The following STPG4 variants were observed in gnomAD, a reference collection of about 807,000 sequenced individuals.
The protein encoded by STPG4 is protein STPG4.
In STPG4, 41 loss-of-function variants were observed where a neutral mutation model predicts 31.5. The ratio of observed to expected loss-of-function variants is 1.30; its 90% CI spans 1.01 to 1.69. The LOEUF is 1.69. Ranked by LOEUF, STPG4 falls within the 40% of genes most tolerant of loss-of-function variation. The pLI is 0.00. For missense variants in STPG4, 375 were observed against 293.4 expected (o/e 1.28, Z -2.03); for synonymous variants, 141 against 103.0 (o/e 1.37, Z -2.24).
chr2:47,121,537 C>T (rs1377720362), intron 5 of STPG4, among the ~76,000 whole-genome samples: 1 of 152,170 alleles, frequency 6.6e-6, no homozygotes, highest in Non-Finnish European at 1.5e-5. Flanking sequence ...AGGTCCTTAT[C>T]CCACCCATCC....
chr2:47,112,989 C>CAAAAAAAAAAAAAA (rs70940656), intron 5 of STPG4, among the ~76,000 whole-genome samples: 1 of 93,672 alleles, frequency 1.1e-5, no homozygotes, highest in African/African-American at 4.0e-5. Context: ...AAGACTATCT[C>CAAAAAAAAAAAAAA]AAAAAAAAAA....
At chr2:47,105,627 T>A (rs1393792641) in intron 5 of STPG4, among the ~76,000 whole-genome samples, 3 of 152,012 alleles carry the variant, frequency 2.0e-5, no homozygotes, top group Non-Finnish European at 4.4e-5. Context: ...ACCTATATAC[T>A]GATGGAAGTT....
intron 5 of STPG4, among the ~76,000 whole-genome samples, chr2:47,109,788 A>C (rs1380325881): frequency 2.6e-5 from 4 of 152,118 alleles, no homozygotes; most frequent in African/African-American, 9.7e-5. Context: ...TCAAACTATC[A>C]GCTTAGTTTT....
intron 5 of STPG4, among the ~76,000 whole-genome samples, chr2:47,098,694 C>T (rs17036257): frequency 0.024 from 3,686 of 150,656 alleles, 57 homozygotes; most frequent in African/African-American, 0.041. Flanking sequence ...ACTGAAATTA[C>T]TACATGGGGT....
chr2:47,151,518 G>A lies in STPG4; in HGVS notation c.142-3C>T. On this transcript the variant is annotated splice_polypyrimidine_tract_variant and splice_region_variant and intron_variant, in intron 2 of 6. Transcript: ENST00000445927. ...TAAGTGCCAGGTATAGGAGTATCCT[G>A]TGGAAAATTGACATCAGTTTTAAGA... 2 of 1,611,796 alleles carry A rather than the reference G, an allele frequency of 1.2e-6. No homozygotes were observed. The highest frequency in any genetic ancestry group is 8.5e-7 in the Non-Finnish European group (1 of 1,178,878).
intron 5 of STPG4, among the ~76,000 whole-genome samples, chr2:47,110,366 G>C (rs1239069798): frequency 6.6e-6 from 1 of 152,186 alleles, no homozygotes; most frequent in Non-Finnish European, 1.5e-5. Flanking sequence ...GGCCAAGGTG[G>C]GCAGATCACT....
chr2:47,117,926 A>AT (rs1444587366), intron 5 of STPG4, among the ~76,000 whole-genome samples: 6 of 87,242 alleles, frequency 6.9e-5, no homozygotes, highest in Non-Finnish European at 1.4e-4. Flanking sequence ...ATATATATAT[A>AT]TATATTTTTT....
chr2:47,102,652 C>T (rs1214796990), intron 5 of STPG4, among the ~76,000 whole-genome samples: 2 of 151,850 alleles, frequency 1.3e-5, no homozygotes. Flanking sequence ...TATAGCTCCC[C>T]TTCCTATTAA....
chr2:47,111,375 A>C lies in STPG4; in HGVS notation c.519+18566T>G, dbSNP rs79569463. Among the ~76,000 whole-genome samples the C allele has an allele frequency of 5.8e-3, 879 of 152,376 alleles. 4 individuals carry two copies. Among genetic ancestry groups the C allele is most frequent in the Non-Finnish European group, 9.0e-3 (614 of 68,036 alleles). On this transcript the variant is annotated intron_variant, in intron 5 of 6. Transcript: ENST00000445927. ...AATGCCCACATTTTGAAACACATTC[A>C]GGAGGGAATAAAATCATGCAGTTTT... is the stretch of plus-strand genomic sequence containing the variant.
At chr2:47,121,715 C>T (rs907572533) in intron 5 of STPG4, among the ~76,000 whole-genome samples, 2 of 152,130 alleles carry the variant, frequency 1.3e-5, no homozygotes, top group African/African-American at 4.8e-5. Flanking sequence ...GTCAGCAGGG[C>T]CATGCTCCCT....
intron 5 of STPG4, 32 bp downstream of exon 5, chr2:47,129,909 C>T (rs868098487): frequency 6.2e-7 from 1 of 1,602,588 alleles, no homozygotes; most frequent in Middle Eastern, 1.7e-4. Context: ...ACATCAAATT[C>T]ATCATGAGTT....
chr2:47,113,035 A>C (rs929303064), intron 5 of STPG4, among the ~76,000 whole-genome samples: 1 of 151,988 alleles, frequency 6.6e-6, no homozygotes, highest in Non-Finnish European at 1.5e-5. Flanking sequence ...AATTAGAAGA[A>C]ATTAAAGTGA....
intron 5 of STPG4, among the ~76,000 whole-genome samples, chr2:47,126,689 G>A (rs1200415985): frequency 6.6e-6 from 1 of 152,144 alleles, no homozygotes; most frequent in Non-Finnish European, 1.5e-5. Context: ...ACTCCTTTTA[G>A]CGTTTCTTGT....
At chr2:47,125,655 C>T (rs934614760) in intron 5 of STPG4, among the ~76,000 whole-genome samples, 5 of 152,072 alleles carry the variant, frequency 3.3e-5, no homozygotes, top group African/African-American at 4.8e-5. Flanking sequence ...AATCTTTGCC[C>T]AGACCAATGT....
At chr2:47,133,123 A>G (rs752024533) in intron 3 of STPG4, among the ~76,000 whole-genome samples, 1 of 151,658 alleles carries the variant, frequency 6.6e-6, no homozygotes, top group Non-Finnish European at 1.5e-5. Flanking sequence ...GTCTAATGGT[A>G]TATATATGTG....
chr2:47,087,582 A>C (rs1176729306), intron 6 of STPG4, among the ~76,000 whole-genome samples: 1 of 152,166 alleles, frequency 6.6e-6, no homozygotes, highest in East Asian at 1.9e-4. Flanking sequence ...ATCGCCTCTC[A>C]AACTCGGGTT....
chr2:47,142,283 A>C (rs1686730377), intron 3 of STPG4, among the ~76,000 whole-genome samples: 1 of 148,478 alleles, frequency 6.7e-6, no homozygotes, highest in East Asian at 2.0e-4. Flanking sequence ...CCAAAAAAAA[A>C]GATACAGGGG....
At chr2:47,117,203 G>A (rs920263934) in intron 5 of STPG4, among the ~76,000 whole-genome samples, 1 of 152,098 alleles carries the variant, frequency 6.6e-6, no homozygotes, top group African/African-American at 2.4e-5. Context: ...GAAGATGCAT[G>A]TGGTTTTTTG....
intron 5 of STPG4, among the ~76,000 whole-genome samples, chr2:47,110,255 T>A (rs368236331): frequency 6.6e-6 from 1 of 152,258 alleles, no homozygotes; most frequent in Non-Finnish European, 1.5e-5. Context: ...CTTAACCATA[T>A]TGATGGCTCT....
Sources: gnomAD v4.1 joint callset for allele counts (sites outside exome capture counted in the v4.1 genomes callset) on GRCh38, gnomAD v4.1.1 for gene constraint, MANE v1.5 for transcripts, NCBI Gene and HGNC (gene_info 2026-07-23, HGNC 2026-07-21) for gene names.